The following XYLB variants were observed in gnomAD, a reference collection of about 807,000 sequenced individuals.
XYLB encodes the protein xylulose kinase.
A neutral mutation model predicts 78.7 loss-of-function variants in XYLB; 62 were observed. The ratio of observed to expected loss-of-function variants is 0.79; its 90% CI spans 0.64 to 0.97. The LOEUF (loss-of-function observed/expected upper bound fraction) is 0.97, where lower values mean the gene tolerates loss of function less well. Among genes scored for constraint, XYLB ranks in the 50% least tolerant of loss-of-function variants. The pLI, the probability that XYLB is intolerant of heterozygous loss-of-function variation, is 0.00. For missense variants in XYLB, 687 were observed against 676.8 expected, an observed-to-expected ratio of 1.02 and a Z score of -0.17; for synonymous variants, 245 against 247.4, an observed-to-expected ratio of 0.99 and a Z score of 0.09.
At chr3:38,406,306 A>G (rs144392370) in intron 18 of XYLB, among the ~76,000 whole-genome samples, 1,937 of 152,338 alleles carry the variant, frequency 0.013, 45 homozygotes, top group African/African-American at 0.044. Flanking sequence ...GCAAACTCCA[A>G]CAGACCTGCA....
At chr3:38,417,914 G>T (rs901138124), downstream of XYLB, among the ~76,000 whole-genome samples, 2 of 150,172 alleles carry the variant, frequency 1.3e-5, no homozygotes, top group Non-Finnish European at 3.0e-5. Context: ...ATATCAGGCC[G>T]GGCGTGGTGT....
In XYLB at chr3:38,374,515, C is replaced by T; in HGVS notation, c.888+13C>T. The T allele has an allele frequency of 1.2e-6, 2 of 1,613,872 alleles. No homozygotes were observed. The highest frequency in any genetic ancestry group is 1.7e-6 in the Non-Finnish European group (2 of 1,179,898). The stretch of plus-strand genomic sequence containing the variant: ...AGGTGACATTGCGGTAAGGCGACTT[C>T]CCACACCCATAGGCTCTTTCTGTTT... On this transcript the variant is annotated intron_variant, in intron 11 of 18. Transcript: ENST00000207870.
rs1708673218 is a variant in XYLB, at chr3:38,413,295, A to T, written c.*282A>T. 2 of 353,606 alleles carry T rather than the reference A, an allele frequency of 5.7e-6. No individual in the cohort carries two copies. Among genetic ancestry groups the T allele is most frequent in the Admixed American group, 4.8e-5 (1 of 20,660 alleles). The allele number at this position is 353,606 out of a possible 1,614,324, so 21.9% of individuals were successfully genotyped here. On this transcript the variant is annotated 3_prime_UTR_variant, in exon 19 of 19. Transcript: ENST00000207870. ...ACAACACTGAGACTGGGATATGTCC[A>T]ATAAAAACTATGACTTTTCCCCTTG... is the stretch of plus-strand genomic sequence containing the variant.
chr3:38,392,034 A>G (rs537197439), intron 15 of XYLB, among the ~76,000 whole-genome samples: 2 of 152,282 alleles, frequency 1.3e-5, no homozygotes, highest in East Asian at 3.9e-4. Context: ...ACTTTCACTA[A>G]TGAGCACTTC....
intron 15 of XYLB, among the ~76,000 whole-genome samples, chr3:38,390,450 G>C (rs1707600236): frequency 6.6e-6 from 1 of 152,108 alleles, no homozygotes; most frequent in South Asian, 2.1e-4. Flanking sequence ...CTGACCTCAG[G>C]TGGTCTTCCT....
intron 2 of XYLB, among the ~76,000 whole-genome samples, chr3:38,349,864 C>G (rs2588454): frequency 1 from 151,912 of 152,306 alleles, 75,761 homozygotes; most frequent in East Asian, 1. Flanking sequence ...CTTGGTGTCT[C>G]TGTCATCTGT....
rs551421806 is a variant in XYLB at position 38,412,435 on chromosome 3, G to T, written c.1534-501G>T. On this transcript the variant is annotated intron_variant, in intron 18 of 18. Transcript: ENST00000207870. ...TCCTGCCACTGTGTTTCTCCAGGCTGTCTTCCCTTGGCTCATGGTGGTCTT... is the reference window on the plus strand; with the variant it reads ...TCCTGCCACTGTGTTTCTCCAGGCTTTCTTCCCTTGGCTCATGGTGGTCTT... Among the ~76,000 whole-genome samples the T allele has an allele frequency of 4.6e-5, 7 of 152,154 alleles. No homozygotes were observed. In the East Asian group the frequency reaches 9.6e-4, roughly 21 times the overall value.
At chr3:38,424,405 T>C (rs1457848372), downstream of XYLB, among the ~76,000 whole-genome samples, 5 of 152,260 alleles carry the variant, frequency 3.3e-5, no homozygotes, top group African/African-American at 4.8e-5. Context: ...CCTTTATAAA[T>C]AGTCTTAATT....
chr3:38,428,405 TGA>T, the XYLB span, among the ~76,000 whole-genome samples: 1 of 152,252 alleles, frequency 6.6e-6, no homozygotes, highest in Non-Finnish European at 1.5e-5. Flanking sequence ...TACCAATTAC[TGA>T]GAGAGAAGTA....
In XYLB at chr3:38,401,083, G is replaced by A. The variant is rs560599579; in HGVS notation, c.1533+98G>A. On this transcript the variant is annotated intron_variant, in intron 18 of 18. Transcript: ENST00000207870. ...AGGTCACCTACATTGAACGTGATGT[G>A]CTCAACTAAAGGAGAAATTCTGCTT... The A allele has an allele frequency of 7.5e-4, 766 of 1,026,034 alleles. 1 individual carries two copies. The highest frequency in any genetic ancestry group is 9.3e-4 in the Non-Finnish European group (621 of 664,550). The allele number at this position is 1,026,034 out of a possible 1,614,324, so 63.6% of individuals were successfully genotyped here. A position where few individuals can be genotyped will look rare whatever the true frequency, so the allele number is the denominator to read the frequency against.
chr3:38,433,539 T>G, the XYLB span, among the ~76,000 whole-genome samples: 1 of 152,330 alleles, frequency 6.6e-6, no homozygotes, highest in African/African-American at 2.4e-5. Context: ...AATTAGAAAT[T>G]TCTTCCACCA....
At chr3:38,444,649 G>GA in the XYLB span, among the ~76,000 whole-genome samples, 1 of 152,054 alleles carries the variant, frequency 6.6e-6, no homozygotes, top group Admixed American at 6.5e-5. Flanking sequence ...CCATAGTGCA[G>GA]AAAAAAATGA....
intron 4 of XYLB, among the ~76,000 whole-genome samples, chr3:38,364,374 C>A (rs572332274): frequency 6.6e-6 from 1 of 152,000 alleles, no homozygotes. Flanking sequence ...TTCCCCGTGA[C>A]TCCCACAAGC....
exon 18 of XYLB, among the ~76,000 whole-genome samples, chr3:38,420,560 C>T (rs1016123387): frequency 1.3e-5 from 2 of 152,098 alleles, no homozygotes; most frequent in African/African-American, 4.8e-5. Flanking sequence ...ATTATGTGTT[C>T]CTTAAATATT....
At position 38,391,174 on chromosome 3, in the gene XYLB, A is replaced by G. The variant is rs1022916051; in HGVS notation, c.1292-4331A>G. On this transcript the variant is annotated intron_variant, in intron 15 of 18. Transcript: ENST00000207870. ...GGTTGCAGTGAGCCAAGATCACCCC[A>G]TTGCACTCCAGCCTGGGAGACAGAG... Among the ~76,000 whole-genome samples, 5 of 152,098 alleles carry G rather than the reference A, an allele frequency of 3.3e-5. No homozygotes were observed. The South Asian group carries it at 6.2e-4, about 19-fold the overall frequency.
At chr3:38,416,002 G>A (rs935992956), downstream of XYLB, among the ~76,000 whole-genome samples, 1 of 152,034 alleles carries the variant, frequency 6.6e-6, no homozygotes, top group African/African-American at 2.4e-5. Context: ...ATCAGATCTC[G>A]TGAGAACTCT....
At chr3:38,353,690 C>T (rs1309570648) in intron 2 of XYLB, among the ~76,000 whole-genome samples, 1 of 151,798 alleles carries the variant, frequency 6.6e-6, no homozygotes, top group East Asian at 1.9e-4. Context: ...AGTTCAAGAC[C>T]AGCCTGGCTA....
At chr3:38,392,234 T>G (rs1389417482) in intron 15 of XYLB, among the ~76,000 whole-genome samples, 2 of 152,216 alleles carry the variant, frequency 1.3e-5, no homozygotes, top group Non-Finnish European at 2.9e-5. Context: ...CTGTTGCCAG[T>G]CTGATGGGTG....
In XYLB at chr3:38,377,557, C is replaced by T. The variant is rs376242807; in HGVS notation, c.1194+566C>T. ...CCACCTCGTGGGTTCAAACGATCCT[C>T]CTGCCTCAGCCTCCTGAGTAGCTGG... On this transcript the variant is annotated intron_variant, in intron 14 of 18. Coordinates refer to ENST00000207870, the MANE Select transcript of XYLB (RefSeq NM_005108.4). Among the ~76,000 whole-genome samples, 145 of 151,940 alleles carry T rather than the reference C, an allele frequency of 9.5e-4. No homozygotes were observed. The Middle Eastern group carries it at 0.014, about 14-fold the overall frequency.
Sources: allele counts gnomAD v4.1 joint callset (sites outside exome capture counted in the v4.1 genomes callset), GRCh38; gene constraint gnomAD v4.1.1; transcripts MANE v1.5; gene names NCBI Gene and HGNC (gene_info 2026-07-23, HGNC 2026-07-21).